EXTL3: variants seen among roughly 807,000 people sequenced by gnomAD.
EXTL3 encodes the protein exostosin like glycosyltransferase 3.
Under a neutral mutation model 69.3 loss-of-function variants are expected in EXTL3, and 27 were observed. That is an observed-to-expected ratio of 0.39 (90% CI 0.29 to 0.54). The LOEUF (loss-of-function observed/expected upper bound fraction) is 0.54. Among genes scored for constraint, EXTL3 ranks in the 20% least tolerant of loss-of-function variants. The pLI is 0.69. For missense variants in EXTL3, 1,003 were observed against 1,231.8 expected (o/e 0.81, Z 2.78); for synonymous variants, 511 against 499.4 (o/e 1.02, Z -0.31).
At chr8:28,636,329 C>G (rs1806654326) in intron 1 of EXTL3, among the ~76,000 whole-genome samples, 1 of 110,780 alleles carries the variant, frequency 9.0e-6, no homozygotes, top group African/African-American at 4.6e-5. Flanking sequence ...AAGACTCCAT[C>G]TCAAAAAAAA....
At chr8:28,636,302 A>C (rs1416286250) in intron 1 of EXTL3, among the ~76,000 whole-genome samples, 1 of 149,034 alleles carries the variant, frequency 6.7e-6, no homozygotes, top group African/African-American at 2.5e-5. Flanking sequence ...ACTGCACTCC[A>C]GCCTGGGTGA....
chr8:28,705,414 C>T (rs1230762023), intron 1 of EXTL3, among the ~76,000 whole-genome samples: 2 of 151,990 alleles, frequency 1.3e-5, no homozygotes, highest in African/African-American at 2.4e-5. Flanking sequence ...AAGGAGAATG[C>T]CCGAGTCATA....
chr8:28,686,243 G>A (rs1483533793), intron 1 of EXTL3, among the ~76,000 whole-genome samples: 1 of 151,882 alleles, frequency 6.6e-6, no homozygotes, highest in East Asian at 1.9e-4. Context: ...TGTAATCCCA[G>A]CATTTTGGGA....
chr8:28,690,360 A>G (rs1465242776), intron 1 of EXTL3, among the ~76,000 whole-genome samples: 2 of 152,046 alleles, frequency 1.3e-5, no homozygotes, highest in Non-Finnish European at 2.9e-5. Context: ...TTATAAGCAC[A>G]TGGCACCACA....
In EXTL3 at chr8:28,744,166, A is replaced by G. The variant is rs1198867039; in HGVS notation, c.2550+952A>G. The G allele has an allele frequency of 2.4e-4, 37 of 152,184 alleles. 1 individual carries two copies. Among genetic ancestry groups the G allele is most frequent in the Admixed American group, 2.4e-3 (36 of 15,268 alleles). The allele number at this position is 152,184 out of a possible 1,614,324, so 9.4% of individuals were successfully genotyped here. On this transcript the variant is annotated intron_variant, in intron 6 of 6. Transcript: ENST00000220562. ...CTATAGAATCTGTCACTCCAAATGA[A>G]TATTTGTGACTGTGCTTCGTCTGTG...
intron 1 of EXTL3, among the ~76,000 whole-genome samples, chr8:28,638,938 A>ATTT (rs61228702): frequency 2.6e-4 from 35 of 136,232 alleles, no homozygotes; most frequent in South Asian, 1.6e-3. Context: ...GCTAGGAATA[A>ATTT]TTTTTTTTTT....
chr8:28,658,915 A>T (rs1469331352), intron 1 of EXTL3, among the ~76,000 whole-genome samples: 1 of 152,162 alleles, frequency 6.6e-6, no homozygotes, highest in East Asian at 1.9e-4. Flanking sequence ...GAAATATTCC[A>T]TCGTATGTAT....
chr8:28,649,124 G>C, intron 1 of EXTL3, among the ~76,000 whole-genome samples: 1 of 151,892 alleles, frequency 6.6e-6, no homozygotes, highest in Middle Eastern at 3.2e-3. Context: ...GGCTGGACTT[G>C]AACTCCTGGG....
At chr8:28,679,679 T>G (rs964911461) in intron 1 of EXTL3, among the ~76,000 whole-genome samples, 1 of 149,614 alleles carries the variant, frequency 6.7e-6, no homozygotes, top group Non-Finnish European at 1.5e-5. Context: ...GCTATGATCA[T>G]GCCACTGCAT....
At chr8:28,616,380 C>T (rs1049534153) in intron 2 of EXTL3, among the ~76,000 whole-genome samples, 1 of 152,130 alleles carries the variant, frequency 6.6e-6, no homozygotes, top group African/African-American at 2.4e-5. Flanking sequence ...AATCCCAGCA[C>T]TTTGGGAGGC....
chr8:28,617,211 C>T (rs1806341558), intron 2 of EXTL3, among the ~76,000 whole-genome samples: 2 of 152,124 alleles, frequency 1.3e-5, no homozygotes, highest in African/African-American at 2.4e-5. Context: ...CACCCCGTTC[C>T]GAGAAGGCAA....
chr8:28,650,172 G>T (rs1392052380), intron 1 of EXTL3, among the ~76,000 whole-genome samples: 2 of 148,558 alleles, frequency 1.3e-5, no homozygotes, highest in South Asian at 4.3e-4. Flanking sequence ...CTCCAGCCGG[G>T]GTGACAGAGT....
intron 1 of EXTL3, among the ~76,000 whole-genome samples, chr8:28,653,875 T>C (rs984944218): frequency 2.0e-5 from 3 of 152,208 alleles, no homozygotes; most frequent in Non-Finnish European, 4.4e-5. Context: ...TTTGAGTCTC[T>C]TAATTCTTTA....
intron 4 of EXTL3, among the ~76,000 whole-genome samples, chr8:28,736,605 C>T (rs544478102): frequency 1.3e-5 from 2 of 152,312 alleles, no homozygotes; most frequent in East Asian, 3.9e-4. Flanking sequence ...ACATGTTTCT[C>T]CGTCAGCCCT....
intron 4 of EXTL3, among the ~76,000 whole-genome samples, chr8:28,732,862 T>C (rs549996493): frequency 9.2e-5 from 14 of 152,148 alleles, no homozygotes; most frequent in Non-Finnish European, 1.9e-4. Flanking sequence ...TAGCTGGGAT[T>C]ACAGGTATGG....
rs1801127223 is a variant in EXTL3 at position 28,715,636 on chromosome 8, A to C, written c.-424A>C. ...AGAAGCTGGCATTTATTTCTGTTCT[A>C]ACCTATTACTGTATAACTGTGAATA... is the stretch of plus-strand genomic sequence containing the variant. On this transcript the variant is annotated 5_prime_UTR_variant, in exon 3 of 7. Transcript: ENST00000220562. 5.7e-6 allele frequency: 1 copy of C among 176,836 alleles called. No homozygotes were observed. Among genetic ancestry groups the C allele is most frequent in the African/African-American group, 2.4e-5 (1 of 42,100 alleles). 11.0% of individuals were successfully genotyped at this position (176,836 alleles called of 1,614,324 possible).
At chr8:28,609,876 T>G (rs1806248972) in intron 2 of EXTL3, among the ~76,000 whole-genome samples, 1 of 138,754 alleles carries the variant, frequency 7.2e-6, no homozygotes, top group African/African-American at 2.7e-5. Flanking sequence ...GATGATAGAG[T>G]GAGACACTGG....
chr8:28,629,722 T>C (rs1490187863), intron 1 of EXTL3, among the ~76,000 whole-genome samples: 1 of 152,074 alleles, frequency 6.6e-6, no homozygotes, highest in Non-Finnish European at 1.5e-5. Context: ...GATGTGTGTC[T>C]AGGGGCTCTA....
chr8:28,750,579 G>A lies in EXTL3; in HGVS notation c.2551-78G>A. Reference sequence around the variant, plus strand: ...CAGCGTCTTCACCATGGACATGGGAGTGTGGGATCGGCTCAGCTGCAAGGG... The same window carrying A: ...CAGCGTCTTCACCATGGACATGGGAATGTGGGATCGGCTCAGCTGCAAGGG... On this transcript the variant is annotated intron_variant, in intron 6 of 6. Coordinates refer to ENST00000220562, the MANE Select transcript of EXTL3 (RefSeq NM_001440.4). This position sits in a 1 kb window ranked among gnomAD's most constrained non-coding sequence, Gnocchi z 5.2. The A allele has an allele frequency of 8.6e-7, 1 of 1,159,028 alleles. No homozygotes were observed. Among genetic ancestry groups the A allele is most frequent in the East Asian group, 2.3e-5 (1 of 42,612 alleles). The allele number at this position is 1,159,028 out of a possible 1,614,324, so 71.8% of individuals were successfully genotyped here.
Sources: gnomAD v4.1 joint callset for allele counts (sites outside exome capture counted in the v4.1 genomes callset) on GRCh38, gnomAD v4.1.1 for gene constraint, Gnocchi (gnomAD v3.1) non-coding constraint, MANE v1.5 for transcripts, NCBI Gene and HGNC (gene_info 2026-07-23, HGNC 2026-07-21) for gene names.